CLDN18: variants seen among roughly 807,000 people sequenced by gnomAD.
The protein encoded by CLDN18 is claudin-18.
Under a neutral mutation model 25.0 loss-of-function variants are expected in CLDN18, and 20 were observed. That is an observed-to-expected ratio of 0.80 (90% CI 0.56 to 1.16). The LOEUF (loss-of-function observed/expected upper bound fraction) is 1.16. CLDN18 is among the 50% of genes most tolerant of loss of function. CLDN18 has a pLI of 0.00. For missense variants in CLDN18, 297 were observed against 345.4 expected, an observed-to-expected ratio of 0.86 and a Z score of 1.11; for synonymous variants, 125 against 135.6, an observed-to-expected ratio of 0.92 and a Z score of 0.54.
chr3:138,032,463 AG>A lies in CLDN18; in HGVS notation c.*1324del, dbSNP rs969887081. 6.6e-5 allele frequency: 10 copies of A among 151,634 alleles called. No homozygotes were observed. The highest frequency in any genetic ancestry group is 2.6e-4 in the Admixed American group (4 of 15,214). The allele number at this position is 151,634 out of a possible 1,614,324, so 9.4% of individuals were successfully genotyped here. ...TAAATAATGGAACACAGCAAGTCCT[AG>A]GAAGTAGGTTAAAACTAATTCTTTA... On this transcript the variant is annotated 3_prime_UTR_variant, in exon 5 of 5. Transcript: ENST00000183605.
At chr3:138,017,628 G>A (rs900271316) in intron 1 of CLDN18, among the ~76,000 whole-genome samples, 10 of 152,288 alleles carry the variant, frequency 6.6e-5, no homozygotes, top group South Asian at 4.1e-4. Context: ...CACTGGTTGC[G>A]AAACCAGTTT....
rs768017889 is a variant in CLDN18, at chr3:138,029,849, C to G, written c.556C>G (p.Leu186Val). ...FVGWVAGGLT[L>V]IGGVMMCIAC... is the part of the protein sequence containing the mutation. ...GGGCTGGGTCGCTGGAGGCCTCACA[C>G]TAATTGGGGGTGTGATGATGTGCAT... The change falls in exon 4 of 5, where the codon CTA (leucine) becomes GTA (valine). Residue 186 changes from leucine (L) to valine (V), a missense_variant. Transcript: ENST00000183605. 2 of 1,598,214 alleles carry G rather than the reference C, an allele frequency of 1.3e-6. No homozygotes were observed. Among genetic ancestry groups the G allele is most frequent in the Non-Finnish European group, 1.7e-6 (2 of 1,173,166 alleles).
chr3:138,030,345 T>C (rs1217009894), intron 4 of CLDN18, among the ~76,000 whole-genome samples: 2 of 152,242 alleles, frequency 1.3e-5, no homozygotes, highest in African/African-American at 4.8e-5. Context: ...CAAAGAAGCA[T>C]CTGTTCCAAA....
intron 1 of CLDN18, among the ~76,000 whole-genome samples, chr3:138,018,964 T>C (rs954679382): frequency 6.6e-6 from 1 of 152,220 alleles, no homozygotes; most frequent in African/African-American, 2.4e-5. Flanking sequence ...TTCACACACC[T>C]GGCTGTTTCA....
At chr3:138,014,882 C>T (rs941941550) in intron 1 of CLDN18, among the ~76,000 whole-genome samples, 7 of 152,130 alleles carry the variant, frequency 4.6e-5, no homozygotes, top group Admixed American at 2.0e-4. Flanking sequence ...AATCCCATCA[C>T]TTTGGGAGGC....
At chr3:138,030,442 G>C (rs534496662) in intron 4 of CLDN18, among the ~76,000 whole-genome samples, 1 of 152,322 alleles carries the variant, frequency 6.6e-6, no homozygotes, top group East Asian at 1.9e-4. Context: ...GTGTGGTTCT[G>C]CTACTGACCA....
chr3:138,009,532 A>G (rs1263479360), upstream of CLDN18, among the ~76,000 whole-genome samples: 1 of 152,110 alleles, frequency 6.6e-6, no homozygotes, highest in African/African-American at 2.4e-5. Context: ...CTGCTGCTCC[A>G]TATGGAAACA....
chr3:138,030,835 T>C, intron 4 of CLDN18, 135 bp from the exon 5 acceptor site: 1 of 744,108 alleles, frequency 1.3e-6, no homozygotes, highest in Non-Finnish European at 2.2e-6. Flanking sequence ...CTAACTATCC[T>C]GGTTTGCCCC....
chr3:137,999,740 G>A (rs1034078154), intron 1 of CLDN18, among the ~76,000 whole-genome samples: 1 of 152,186 alleles, frequency 6.6e-6, no homozygotes, highest in African/African-American at 2.4e-5. Context: ...GCCATGCAGG[G>A]AAAGGTATTG....
chr3:138,010,587 G>A (rs1455037475), intron 1 of CLDN18, 142 bp downstream of exon 1: 30 of 1,088,834 alleles, frequency 2.8e-5, no homozygotes, highest in Non-Finnish European at 3.8e-5. Context: ...AAAAGGAGAA[G>A]CTGGCTCGTG....
chr3:138,014,931 C>A (rs560877482), intron 1 of CLDN18, among the ~76,000 whole-genome samples: 85 of 152,120 alleles, frequency 5.6e-4, no homozygotes, highest in African/African-American at 1.9e-3. Flanking sequence ...AGTTCAAGAC[C>A]AGCCTGGGCA....
At chr3:138,021,429 G>A (rs1942268780) in intron 1 of CLDN18, among the ~76,000 whole-genome samples, 1 of 152,090 alleles carries the variant, frequency 6.6e-6, no homozygotes, top group African/African-American at 2.4e-5. Flanking sequence ...ATTTCTAGCT[G>A]GCTTCTGACT....
intron 1 of CLDN18, among the ~76,000 whole-genome samples, chr3:138,010,768 C>T (rs1478697720): frequency 6.6e-6 from 1 of 152,208 alleles, no homozygotes; most frequent in Non-Finnish European, 1.5e-5. Flanking sequence ...GTGTGCATTA[C>T]TTGCATGTGG....
chr3:138,017,092 C>T (rs1162627043), intron 1 of CLDN18, among the ~76,000 whole-genome samples: 1 of 151,800 alleles, frequency 6.6e-6, no homozygotes. Context: ...GCCCTGTGAC[C>T]CATTTACAAG....
At chr3:138,008,983 G>A (rs902897419), upstream of CLDN18, among the ~76,000 whole-genome samples, 1 of 152,186 alleles carries the variant, frequency 6.6e-6, no homozygotes, top group Admixed American at 6.5e-5. Flanking sequence ...CCCCATATCC[G>A]TCAACCAATT....
chr3:138,008,440 C>A (rs1942092669), upstream of CLDN18, among the ~76,000 whole-genome samples: 1 of 151,958 alleles, frequency 6.6e-6, no homozygotes, highest in Non-Finnish European at 1.5e-5. Context: ...CCCATCTCTA[C>A]TAAAATACAA....
chr3:138,027,920 C>T (rs186587205), intron 3 of CLDN18, among the ~76,000 whole-genome samples: 299 of 152,334 alleles, frequency 2.0e-3, no homozygotes, highest in Admixed American at 4.3e-3. Flanking sequence ...AACCAAATTT[C>T]TGTCTTTTTC....
intron 3 of CLDN18, among the ~76,000 whole-genome samples, chr3:138,027,690 G>A (rs1056181591): frequency 6.6e-6 from 1 of 152,198 alleles, no homozygotes; most frequent in Non-Finnish European, 1.5e-5. Context: ...GGTAGCAATT[G>A]TTGTTATCAT....
chr3:138,026,581 G>A (rs1285488929), intron 3 of CLDN18, among the ~76,000 whole-genome samples: 1 of 152,128 alleles, frequency 6.6e-6, no homozygotes, highest in Non-Finnish European at 1.5e-5. Context: ...GAAGGCAGAG[G>A]TTGCAGTGAG....
Sources: allele counts gnomAD v4.1 joint callset (sites outside exome capture counted in the v4.1 genomes callset), GRCh38; gene constraint gnomAD v4.1.1; transcripts MANE v1.5; gene names NCBI Gene and HGNC (gene_info 2026-07-23, HGNC 2026-07-21).